IKZF3: variants seen among roughly 807,000 people sequenced by gnomAD.
The protein encoded by IKZF3 is IKAROS family zinc finger 3, also known as zinc finger protein Aiolos.
Under a neutral mutation model 49.0 loss-of-function variants are expected in IKZF3, and 10 were observed. The observed-to-expected ratio is 0.20, with a 90% CI of 0.13 to 0.35. The LOEUF (loss-of-function observed/expected upper bound fraction) is 0.35, where lower values mean the gene tolerates loss of function less well. Ranked by LOEUF, IKZF3 falls within the 10% of genes least tolerant of loss-of-function variation. The pLI, the probability that IKZF3 is intolerant of heterozygous loss-of-function variation, is 1.00. For synonymous variants in IKZF3, 209 were observed against 228.2 expected, an observed-to-expected ratio of 0.92 and a Z score of 0.76; for missense variants, 498 against 664.8, an observed-to-expected ratio of 0.75 and a Z score of 2.76.
At chr17:39,784,360 G>C (rs770560436) in intron 6 of IKZF3, among the ~76,000 whole-genome samples, 8 of 151,116 alleles carry the variant, frequency 5.3e-5, no homozygotes, top group Non-Finnish European at 1.2e-4. Flanking sequence ...GGTGTCACTT[G>C]TGATGCCTGA....
chr17:39,788,568 G>C (rs2060929352), intron 5 of IKZF3, among the ~76,000 whole-genome samples, 194 bp from the exon 6 acceptor site: 1 of 152,196 alleles, frequency 6.6e-6, no homozygotes, highest in Non-Finnish European at 1.5e-5. Context: ...TATTACGTCA[G>C]AGTATTCTTC....
chr17:39,771,537 T>A (rs919528392), intron 7 of IKZF3, among the ~76,000 whole-genome samples: 2 of 152,166 alleles, frequency 1.3e-5, no homozygotes, highest in Non-Finnish European at 2.9e-5. Flanking sequence ...CTGAATTACT[T>A]CTCAAATATG....
At chr17:39,860,770 A>T (rs887662029) in intron 1 of IKZF3, among the ~76,000 whole-genome samples, 1 of 152,186 alleles carries the variant, frequency 6.6e-6, no homozygotes, top group East Asian at 1.9e-4. Context: ...CCTATAGGAC[A>T]CTATGCTCAT....
At chr17:39,842,859 CAA>C (rs1241540658) in intron 1 of IKZF3, among the ~76,000 whole-genome samples, 5 of 152,146 alleles carry the variant, frequency 3.3e-5, no homozygotes, top group African/African-American at 9.7e-5. Context: ...TGTAACTGAG[CAA>C]AGTTACATGT....
intron 7 of IKZF3, among the ~76,000 whole-genome samples, chr17:39,775,267 C>G (rs2060550258): frequency 6.6e-6 from 1 of 151,850 alleles, no homozygotes; most frequent in Admixed American, 6.6e-5. Flanking sequence ...CTACCTCAAT[C>G]AAGAGCTAAC....
chr17:39,815,431 TG>T (rs2061657287), intron 3 of IKZF3, among the ~76,000 whole-genome samples: 1 of 152,250 alleles, frequency 6.6e-6, no homozygotes, highest in Non-Finnish European at 1.5e-5. Context: ...TACACTAGCA[TG>T]AAACACATCT....
chr17:39,832,087 C>T lies in IKZF3; in HGVS notation c.61+11G>A, dbSNP rs1390365014. The T allele has an allele frequency of 6.9e-6, 11 of 1,601,310 alleles. No homozygotes were observed. The South Asian group carries it at 1.1e-4, about 16-fold the overall frequency. ...AAGGTATATTTCCAGAGAGGAAAGA[C>T]CTGATGTTACCTGCGGGCACAGACT... On this transcript the variant is annotated intron_variant, in intron 2 of 7. Transcript: ENST00000346872.
At chr17:39,795,174 C>T (rs184993652) in intron 3 of IKZF3, among the ~76,000 whole-genome samples, 23 of 152,276 alleles carry the variant, frequency 1.5e-4, no homozygotes, top group Admixed American at 6.5e-4. Context: ...GAATTCAATA[C>T]GACACCATCC....
At chr17:39,811,962 A>G (rs1357573940) in intron 3 of IKZF3, among the ~76,000 whole-genome samples, 2 of 152,186 alleles carry the variant, frequency 1.3e-5, no homozygotes, top group Non-Finnish European at 1.5e-5. Context: ...ACCCTTGCCC[A>G]CTTCTCAGAC....
intron 3 of IKZF3, among the ~76,000 whole-genome samples, chr17:39,801,945 G>T (rs189210637): frequency 6.6e-6 from 1 of 152,190 alleles, no homozygotes; most frequent in East Asian, 1.9e-4. Context: ...ATGAAATACT[G>T]GCAGGGCGCA....
intron 1 of IKZF3, among the ~76,000 whole-genome samples, chr17:39,842,689 T>C (rs1452023376): frequency 6.6e-6 from 1 of 152,218 alleles, no homozygotes. Flanking sequence ...TTCATGAGTA[T>C]ATTATTAACA....
chr17:39,857,760 A>G (rs1334008535), intron 1 of IKZF3, among the ~76,000 whole-genome samples: 1 of 152,200 alleles, frequency 6.6e-6, no homozygotes, highest in Non-Finnish European at 1.5e-5. Context: ...TCATTAATTT[A>G]TTAAACAAAT....
intron 1 of IKZF3, chr17:39,835,299 A>G (rs1167647913): frequency 1.8e-5 from 10 of 546,794 alleles, no homozygotes. Context: ...CTGGTACTTG[A>G]GCAGCTGACG....
At chr17:39,807,159 G>C (rs1410931241) in intron 3 of IKZF3, among the ~76,000 whole-genome samples, 2 of 152,064 alleles carry the variant, frequency 1.3e-5, no homozygotes. Context: ...AAGTTGCTAG[G>C]GTTTGGGGTC....
intron 1 of IKZF3, among the ~76,000 whole-genome samples, chr17:39,855,701 G>C (rs532048979): frequency 6.6e-6 from 1 of 152,320 alleles, no homozygotes; most frequent in East Asian, 1.9e-4. Flanking sequence ...GCACATGCCT[G>C]TAATCCCAGC....
intron 1 of IKZF3, among the ~76,000 whole-genome samples, chr17:39,832,370 G>C (rs929925348): frequency 1.3e-5 from 2 of 151,752 alleles, no homozygotes; most frequent in Admixed American, 6.6e-5. Context: ...CTTTCTGCCA[G>C]AGATCTACTT....
chr17:39,862,984 G>A (rs1236974382), intron 1 of IKZF3, among the ~76,000 whole-genome samples: 1 of 152,122 alleles, frequency 6.6e-6, no homozygotes, highest in African/African-American at 2.4e-5. Flanking sequence ...GAAAAATAGT[G>A]TTGGAGTACT....
Position 39,766,022 on chromosome 17 carries a change from A to G in IKZF3, c.1298T>C (p.Ile433Thr). 1.2e-6 allele frequency: 2 copies of G among 1,614,140 alleles called. No homozygotes were observed. The highest frequency in any genetic ancestry group is 1.7e-6 in the Non-Finnish European group (2 of 1,180,014). Residue 433 changes from isoleucine (I) to threonine (T), a missense_variant, in exon 8 of 8, where the codon ATC (isoleucine) becomes ACC (threonine). Ile to Thr is a moderately conservative substitution (Grantham distance 89, BLOSUM62 -1). Around this residue, in one of 3 missense-constraint regions of IKZF3, gnomAD observed 317 missense variants for 397.3 expected, o/e 0.80. Coordinates refer to ENST00000346872, the MANE Select transcript of IKZF3 (RefSeq NM_012481.5). ...CACTTTGACGGAGTCTCTTGGGCAG[A>G]TGGGCGGGGGCTTGAGGAGTTCGTA... The part of the protein sequence containing the change: ...RSYELLKPPP[I>T]CPRDSVKVIN...
chr17:39,772,351 A>C (rs530612412), intron 7 of IKZF3, among the ~76,000 whole-genome samples: 1 of 152,308 alleles, frequency 6.6e-6, no homozygotes, highest in East Asian at 1.9e-4. Context: ...GGGTAAGGTG[A>C]AATATTCAGG....
Sources: allele counts gnomAD v4.1 joint callset (sites outside exome capture counted in the v4.1 genomes callset), GRCh38; gene constraint gnomAD v4.1.1; regional missense constraint gnomAD v4.1.1; transcripts MANE v1.5; gene names NCBI Gene and HGNC (gene_info 2026-07-23, HGNC 2026-07-21).